Variants in UBR3 observed in about 807,000 individuals in gnomAD.
UBR3 encodes ubiquitin protein ligase E3 component n-recognin 3.
Under a neutral mutation model 243.2 loss-of-function variants are expected in UBR3, and 85 were observed. That is an observed-to-expected ratio of 0.35 (90% CI 0.29 to 0.42). UBR3 has a LOEUF of 0.42. UBR3 is among the 10% of genes least tolerant of loss of function. The pLI is 1.00. For synonymous variants in UBR3, 748 were observed against 799.8 expected (o/e 0.94, Z 1.09); for missense variants, 1,686 against 2,300.8 (o/e 0.73, Z 5.47).
chr2:170,081,268 G>T (rs1200978455), intron 38 of UBR3, among the ~76,000 whole-genome samples: 1 of 152,204 alleles, frequency 6.6e-6, no homozygotes, highest in African/African-American at 2.4e-5. Context: ...GGAGGCCGAG[G>T]TGGGTGGATC....
chr2:170,028,772 G>A (rs1162406838), intron 30 of UBR3, among the ~76,000 whole-genome samples: 1 of 150,982 alleles, frequency 6.6e-6, no homozygotes, highest in East Asian at 1.9e-4. Context: ...GCCAAGATTG[G>A]TAGATTATTG....
intron 30 of UBR3, among the ~76,000 whole-genome samples, chr2:170,019,424 A>G (rs2090330844): frequency 1.3e-5 from 2 of 152,158 alleles, no homozygotes; most frequent in South Asian, 2.1e-4. Flanking sequence ...TGGCTCACTC[A>G]TGTGATCCTA....
intron 27 of UBR3, among the ~76,000 whole-genome samples, chr2:170,005,721 G>A (rs999336211): frequency 1.3e-5 from 2 of 152,170 alleles, no homozygotes; most frequent in Non-Finnish European, 2.9e-5. Context: ...AGGAGCTGAT[G>A]AGGTTAAGGA....
At chr2:169,829,461 T>C (rs1426208309) in intron 1 of UBR3, among the ~76,000 whole-genome samples, 3 of 150,004 alleles carry the variant, frequency 2.0e-5, no homozygotes, top group African/African-American at 7.3e-5. Flanking sequence ...TTCTCTCTTG[T>C]TGCCCAAGCT....
intron 31 of UBR3, among the ~76,000 whole-genome samples, chr2:170,030,282 T>C (rs1216191370): frequency 1.3e-5 from 2 of 152,114 alleles, no homozygotes; most frequent in African/African-American, 2.4e-5. Context: ...TATTTTATAC[T>C]TGGAATCAGC....
intron 22 of UBR3, among the ~76,000 whole-genome samples, chr2:169,949,241 A>G (rs892639916): frequency 1.3e-5 from 2 of 152,076 alleles, no homozygotes; most frequent in African/African-American, 4.8e-5. Context: ...GTTAGTAAGG[A>G]GTATCCTATT....
chr2:169,966,254 C>T lies in UBR3; in HGVS notation c.3634+7728C>T, dbSNP rs76380011. On this transcript the variant is annotated intron_variant, in intron 24 of 38. Transcript: ENST00000272793. ...TAACCTTGATCCATTAAGATTTGTC[C>T]GGTTTGTCAGATAGGTATAGCTGAA... Among the ~76,000 whole-genome samples the T allele has an allele frequency of 2.9e-3, 444 of 152,180 alleles. 2 individuals are homozygous for T. Among genetic ancestry groups the T allele is most frequent in the African/African-American group, 0.01 (417 of 41,538 alleles).
chr2:169,869,183 G>T (rs11675542), intron 1 of UBR3, among the ~76,000 whole-genome samples: 132,097 of 136,030 alleles, frequency 0.97, 64,156 homozygotes, highest in South Asian at 1. Flanking sequence ...TTTTTTTTTT[G>T]TTTAAACTTC....
intron 18 of UBR3, among the ~76,000 whole-genome samples, chr2:169,929,822 G>A (rs545887083): frequency 8.5e-5 from 13 of 152,186 alleles, no homozygotes; most frequent in East Asian, 7.7e-4. Context: ...TAGCAGTTAC[G>A]TGCTTCTTGA....
chr2:169,930,381 G>T (rs970596034), intron 18 of UBR3, among the ~76,000 whole-genome samples: 1 of 146,146 alleles, frequency 6.8e-6, no homozygotes, highest in South Asian at 2.2e-4. Context: ...GAAATTAGTT[G>T]TTTTTTTTTT....
intron 1 of UBR3, among the ~76,000 whole-genome samples, chr2:169,846,684 T>C (rs1159801874): frequency 6.9e-6 from 1 of 145,552 alleles, no homozygotes; most frequent in East Asian, 2.1e-4. Context: ...CACTCTAGCC[T>C]GGGCAACAGG....
intron 1 of UBR3, among the ~76,000 whole-genome samples, chr2:169,845,512 C>T (rs1490586402): frequency 7.2e-6 from 1 of 139,130 alleles, no homozygotes; most frequent in Non-Finnish European, 1.5e-5. Flanking sequence ...TCGTCGTCGT[C>T]GTCGTCGTCG....
chr2:169,893,087 A>C (rs1410547257), intron 6 of UBR3, among the ~76,000 whole-genome samples: 1 of 152,204 alleles, frequency 6.6e-6, no homozygotes, highest in Admixed American at 6.5e-5. Context: ...TTCTGACTAC[A>C]TTTTCATAAT....
intron 1 of UBR3, 71 bp downstream of exon 1, chr2:169,828,123 C>T (rs1019268726): frequency 3.8e-6 from 5 of 1,323,196 alleles, no homozygotes; most frequent in Admixed American, 3.9e-5. Flanking sequence ...TGGAGCGGAG[C>T]ACTGGGAGCC....
At chr2:170,019,113 A>C (rs374182219) in intron 30 of UBR3, among the ~76,000 whole-genome samples, 1 of 152,222 alleles carries the variant, frequency 6.6e-6, no homozygotes, top group Non-Finnish European at 1.5e-5. Flanking sequence ...ACCACAGTTC[A>C]TGTCTCAAAT....
intron 24 of UBR3, among the ~76,000 whole-genome samples, chr2:169,967,507 A>G (rs532252969): frequency 6.6e-6 from 1 of 152,268 alleles, no homozygotes; most frequent in African/African-American, 2.4e-5. Context: ...GTGTGGTTGT[A>G]CAGTCAGTCC....
At chr2:169,983,705 G>T (rs1254105253) in intron 24 of UBR3, among the ~76,000 whole-genome samples, 1 of 152,168 alleles carries the variant, frequency 6.6e-6, no homozygotes, top group Non-Finnish European at 1.5e-5. Flanking sequence ...GGGCCATCTT[G>T]CGGTCATTTG....
intron 32 of UBR3, among the ~76,000 whole-genome samples, chr2:170,044,594 G>C (rs1410683782): frequency 6.6e-6 from 1 of 152,010 alleles, no homozygotes; most frequent in Non-Finnish European, 1.5e-5. Flanking sequence ...ATGTACAAGG[G>C]GAAAGAAGAT....
intron 27 of UBR3, among the ~76,000 whole-genome samples, chr2:170,003,709 C>T (rs1027568029): frequency 9.2e-5 from 14 of 152,004 alleles, no homozygotes; most frequent in Non-Finnish European, 1.8e-4. Context: ...GGCGCGATCT[C>T]GGCTCACTGC....
Sources: gnomAD v4.1 joint callset for allele counts (sites outside exome capture counted in the v4.1 genomes callset) on GRCh38, gnomAD v4.1.1 for gene constraint, MANE v1.5 for transcripts, NCBI Gene and HGNC (gene_info 2026-07-23, HGNC 2026-07-21) for gene names.